CSMD1: variants seen among roughly 807,000 people sequenced by gnomAD.
CSMD1 encodes CUB and Sushi multiple domains 1, also known as CUB and sushi domain-containing protein 1.
CSMD1 carries 213 observed loss-of-function variants against 417.5 expected under a neutral mutation model. The ratio of observed to expected loss-of-function variants is 0.51; its 90% confidence interval spans 0.46 to 0.57. The LOEUF (loss-of-function observed/expected upper bound fraction) is 0.57, where lower values mean the gene tolerates loss of function less well. Among genes scored for constraint, CSMD1 ranks in the 20% least tolerant of loss-of-function variants. CSMD1 has a pLI of 0.00. For synonymous variants in CSMD1, 2,862 were observed against 1,736.8 expected (o/e 1.65, Z -16.11); for missense variants, 6,923 against 4,529.7 (o/e 1.53, Z -15.17).
At chr8:3,398,518 T>G (rs1051733359) in intron 16 of CSMD1, among the ~76,000 whole-genome samples, 2 of 152,160 alleles carry the variant, frequency 1.3e-5, no homozygotes, top group Admixed American at 6.6e-5. Flanking sequence ...CATTGATCAT[T>G]TGAAAACAAA....
chr8:3,755,703 C>G (rs150194975), intron 5 of CSMD1, among the ~76,000 whole-genome samples: 12 of 152,258 alleles, frequency 7.9e-5, no homozygotes, highest in Middle Eastern at 6.8e-3. Flanking sequence ...TCAGGGGGCT[C>G]TATTCCAACT....
At chr8:4,272,092 G>A (rs1184940918) in intron 3 of CSMD1, among the ~76,000 whole-genome samples, 5 of 152,024 alleles carry the variant, frequency 3.3e-5, no homozygotes, top group African/African-American at 1.2e-4. Flanking sequence ...ACTATCAACT[G>A]TACACCCACA....
At chr8:3,772,239 A>G (rs1392918541) in intron 5 of CSMD1, among the ~76,000 whole-genome samples, 2 of 145,766 alleles carry the variant, frequency 1.4e-5, no homozygotes, top group Non-Finnish European at 3.0e-5. Context: ...ACATATTTAT[A>G]TATAGATATA....
intron 5 of CSMD1, among the ~76,000 whole-genome samples, chr8:3,838,446 A>T (rs1802849612): frequency 1.3e-5 from 2 of 148,994 alleles, no homozygotes. Flanking sequence ...AAGAGTATAG[A>T]CTATACATAT....
chr8:4,716,948 G>T (rs1808696165), intron 1 of CSMD1, among the ~76,000 whole-genome samples: 1 of 152,086 alleles, frequency 6.6e-6, no homozygotes, highest in African/African-American at 2.4e-5. Flanking sequence ...GTTAAAAAAT[G>T]AAACTTAGTA....
rs1377791027 is a variant in CSMD1, at chr8:3,864,254, A to G, written c.819-110212T>C. Among the ~76,000 whole-genome samples, 3 of 152,038 alleles carry G rather than the reference A, an allele frequency of 2.0e-5. No homozygotes were observed. In the East Asian group the frequency reaches 5.8e-4, roughly 29 times the overall value. On this transcript the variant is annotated intron_variant, in intron 5 of 69. Coordinates refer to ENST00000635120, the MANE Select transcript of CSMD1 (RefSeq NM_033225.6). ...ACCCATAGACTGTTGTTAAAATTAA[A>G]CTCCTGTGGGAATCATAACTCAATA... is the stretch of plus-strand genomic sequence containing the variant.
chr8:3,979,612 A>G (rs1181297964), intron 5 of CSMD1, among the ~76,000 whole-genome samples: 1 of 152,208 alleles, frequency 6.6e-6, no homozygotes, highest in Admixed American at 6.5e-5. Context: ...TGATGAGATT[A>G]TAAAAAGAGG....
chr8:3,417,383 G>A (rs556133978), intron 12 of CSMD1, among the ~76,000 whole-genome samples: 2 of 152,270 alleles, frequency 1.3e-5, no homozygotes, highest in East Asian at 3.9e-4. Flanking sequence ...CAAAATAGCA[G>A]ACCAAAACTC....
chr8:3,315,857 G>A (rs1008062792), intron 23 of CSMD1, among the ~76,000 whole-genome samples: 1 of 152,122 alleles, frequency 6.6e-6, no homozygotes, highest in African/African-American at 2.4e-5. Flanking sequence ...AATTTAATGA[G>A]TCAATCTTGA....
At chr8:4,240,693 G>C (rs987351695) in intron 3 of CSMD1, among the ~76,000 whole-genome samples, 1 of 152,104 alleles carries the variant, frequency 6.6e-6, no homozygotes, top group South Asian at 2.1e-4. Context: ...TAATGTAAAT[G>C]TACCACAATT....
At chr8:3,052,151 C>G (rs1221697615) in intron 50 of CSMD1, among the ~76,000 whole-genome samples, 4 of 152,150 alleles carry the variant, frequency 2.6e-5, no homozygotes, top group Non-Finnish European at 4.4e-5. Context: ...CTTAATGTCT[C>G]AATTTCCTCT....
intron 1 of CSMD1, among the ~76,000 whole-genome samples, chr8:4,948,402 G>A (rs1157392687): frequency 6.6e-6 from 1 of 151,842 alleles, no homozygotes; most frequent in African/African-American, 2.4e-5. Flanking sequence ...TTACTTGCCA[G>A]TCATTCATTG....
At position 3,709,680 on chromosome 8, in the gene CSMD1, G is replaced by GGCTTTTTTTTTTTTTTTTTTTTTT. The variant is rs1554518393; in HGVS notation, c.932-1190_932-1189insAAAAAAAAAAAAAAAAAAAAAAGC. ...GATGGGCTTTAAATTGCAGCAGCAT[G>GGCTTTTTTTTTTTTTTTTTTTTTT]TTTTTTTTTTTTTTTTTTTTTTTTT... is the stretch of plus-strand genomic sequence containing the variant. On this transcript the variant is annotated intron_variant, in intron 6 of 69. Coordinates refer to ENST00000635120, the MANE Select transcript of CSMD1 (RefSeq NM_033225.6). 2.4e-4 allele frequency among the ~76,000 whole-genome samples: 8 copies of GGCTTTTTTTTTTTTTTTTTTTTTT among 33,692 alleles called. 3 individuals carry two copies. Among genetic ancestry groups the GGCTTTTTTTTTTTTTTTTTTTTTT allele is most frequent in the African/African-American group, 4.2e-4 (4 of 9,432 alleles). The allele number at this position is 33,692 out of a possible 152,430, so 22.1% of individuals were successfully genotyped here. A position where few individuals can be genotyped will look rare whatever the true frequency, so the allele number is the denominator to read the frequency against.
chr8:3,086,193 G>GA (rs58057205), intron 49 of CSMD1, among the ~76,000 whole-genome samples: 15,587 of 151,394 alleles, frequency 0.1, 756 homozygotes, highest in African/African-American at 0.14. Context: ...TTCTTGTAAA[G>GA]AAAAAAAAAT....
intron 3 of CSMD1, among the ~76,000 whole-genome samples, chr8:4,071,951 G>C (rs1467700315): frequency 2.6e-5 from 4 of 152,096 alleles, no homozygotes; most frequent in African/African-American, 4.8e-5. Flanking sequence ...GCCACAGTGT[G>C]GGGCTCTCCA....
intron 26 of CSMD1, among the ~76,000 whole-genome samples, chr8:3,281,789 G>C (rs143585091): frequency 7.8e-4 from 119 of 152,278 alleles, no homozygotes; most frequent in African/African-American, 2.7e-3. Flanking sequence ...GTTTGGATCT[G>C]CGTCCCCACC....
At chr8:4,768,410 C>A (rs557312572) in intron 1 of CSMD1, among the ~76,000 whole-genome samples, 1 of 152,254 alleles carries the variant, frequency 6.6e-6, no homozygotes, top group Non-Finnish European at 1.5e-5. Context: ...TACAGTCTGC[C>A]GGGTGTCAGC....
chr8:4,678,723 A>T (rs1585438223), intron 1 of CSMD1, among the ~76,000 whole-genome samples: 1 of 152,180 alleles, frequency 6.6e-6, no homozygotes, highest in East Asian at 1.9e-4. Flanking sequence ...CCCTGTTGTT[A>T]AACACATGTG....
chr8:3,085,474 G>A (rs910771966), intron 49 of CSMD1, among the ~76,000 whole-genome samples: 3 of 152,170 alleles, frequency 2.0e-5, no homozygotes, highest in Non-Finnish European at 4.4e-5. Flanking sequence ...AACATGGTGT[G>A]CATTCTAGCA....
Sources: allele counts gnomAD v4.1 joint callset (sites outside exome capture counted in the v4.1 genomes callset), GRCh38; gene constraint gnomAD v4.1.1; transcripts MANE v1.5; gene names NCBI Gene and HGNC (gene_info 2026-07-23, HGNC 2026-07-21).